The following TCF25 variants were observed in gnomAD, a reference collection of about 807,000 sequenced individuals.
The protein encoded by TCF25 is TCF25 ribosome quality control complex subunit.
Under a neutral mutation model 83.1 loss-of-function variants are expected in TCF25, and 41 were observed. That is an observed-to-expected ratio of 0.49 (90% CI 0.38 to 0.64). The LOEUF (loss-of-function observed/expected upper bound fraction) is 0.64, where lower values mean the gene tolerates loss of function less well. TCF25 is among the 30% of genes least tolerant of loss of function. The pLI is 0.00. For missense variants in TCF25, 979 were observed against 914.5 expected (o/e 1.07, Z -0.91); for synonymous variants, 458 against 365.0 (o/e 1.25, Z -2.90).
At chr16:89,897,773 A>G (rs77963546) in intron 9 of TCF25, among the ~76,000 whole-genome samples, 8,857 of 152,228 alleles carry the variant, frequency 0.058, 618 homozygotes, top group African/African-American at 0.16. Flanking sequence ...TTGTAACAAG[A>G]GATTTTAACT....
intron 15 of TCF25, 47 bp downstream of exon 15, chr16:89,906,331 T>TG (rs1567738457): frequency 6.3e-7 from 1 of 1,584,524 alleles, no homozygotes; most frequent in South Asian, 1.1e-5. Flanking sequence ...GCCGGTCACA[T>TG]GCACGTCCCT....
intron 1 of TCF25, among the ~76,000 whole-genome samples, chr16:89,876,927 TAAAAAAAAAAAA>T (rs71137687): frequency 1.5e-5 from 1 of 68,012 alleles, no homozygotes; most frequent in Non-Finnish European, 2.6e-5. Context: ...AGACTCCATC[TAAAAAAAAAAAA>T]AAAAAAAAAA....
intron 1 of TCF25, among the ~76,000 whole-genome samples, chr16:89,881,409 G>T (rs1340240209): frequency 6.6e-6 from 1 of 152,078 alleles, no homozygotes; most frequent in East Asian, 1.9e-4. Flanking sequence ...GAATCTCCTA[G>T]TTCATAAAGA....
Position 89,906,137 on chromosome 16 carries a change from G to T in TCF25, c.1629-57G>T. The T allele has an allele frequency of 3.3e-6, 5 of 1,500,012 alleles. No individual in the cohort carries two copies. In the South Asian group the frequency reaches 5.9e-5, roughly 18 times the overall value. The allele number at this position is 1,500,012 out of a possible 1,614,324, so 92.9% of individuals were successfully genotyped here. Reference sequence around the variant, plus strand: ...GGGTGGGGGCCGAGGCTCCATGGCGGTTACCATTTCATTTGCTGTGCTTTA... The same window carrying T: ...GGGTGGGGGCCGAGGCTCCATGGCGTTTACCATTTCATTTGCTGTGCTTTA... On this transcript the variant is annotated intron_variant, in intron 14 of 17. Transcript: ENST00000263346.
intron 1 of TCF25, 37 bp from the exon 2 acceptor site, chr16:89,883,310 TGTAA>T: frequency 6.2e-7 from 1 of 1,605,034 alleles, no homozygotes; most frequent in Non-Finnish European, 8.5e-7. Context: ...GCGTTCACAC[TGTAA>T]GTAACGCCCT....
At chr16:89,905,764 A>G (rs1343858317) in intron 14 of TCF25, among the ~76,000 whole-genome samples, 1 of 152,214 alleles carries the variant, frequency 6.6e-6, no homozygotes, top group African/African-American at 2.4e-5. Flanking sequence ...ACTGGACTGG[A>G]CATTCTCATG....
chr16:89,886,452 T>C (rs1250831413), intron 4 of TCF25, among the ~76,000 whole-genome samples: 1 of 145,172 alleles, frequency 6.9e-6, no homozygotes, highest in Admixed American at 6.9e-5. Flanking sequence ...AATAATAATA[T>C]GAGTTTGTTA....
chr16:89,883,704 C>T (rs139883094), intron 2 of TCF25, 192 bp downstream of exon 2: 8 of 634,096 alleles, frequency 1.3e-5, no homozygotes, highest in Non-Finnish European at 2.1e-5. Flanking sequence ...GGTCGCAGGC[C>T]TTTCTCCTGC....
At chr16:89,892,795 C>T (rs539360867) in intron 6 of TCF25, among the ~76,000 whole-genome samples, 84 of 152,342 alleles carry the variant, frequency 5.5e-4, no homozygotes, top group African/African-American at 1.9e-3. Context: ...TCCACACTGG[C>T]CTCCACTCTG....
chr16:89,911,044 G>C, intron 17 of TCF25, 36 bp from the exon 18 acceptor site: 3 of 1,607,318 alleles, frequency 1.9e-6, no homozygotes, highest in Non-Finnish European at 2.5e-6. Flanking sequence ...TCCCAGCACA[G>C]ACAGCCCCCT....
Position 89,894,105 on chromosome 16 carries a change from G to A in TCF25, c.828+247G>A, listed in dbSNP as rs2043637019. 2.6e-5 allele frequency among the ~76,000 whole-genome samples: 4 copies of A among 152,310 alleles called. No individual in the cohort carries two copies. The South Asian group carries it at 8.3e-4, about 32-fold the overall frequency. The stretch of plus-strand genomic sequence containing the variant: ...GAGCGCTGCTCTCTCAGCCGTTCCT[G>A]GGGACCGTCGCAGTAGTGCCGTGTG... On this transcript the variant is annotated intron_variant, in intron 7 of 17. Coordinates refer to ENST00000263346, the MANE Select transcript of TCF25 (RefSeq NM_014972.3).
chr16:89,905,880 G>C (rs2044734647), intron 14 of TCF25, among the ~76,000 whole-genome samples: 1 of 152,212 alleles, frequency 6.6e-6, no homozygotes, highest in Admixed American at 6.5e-5. Flanking sequence ...ACACCCAGGT[G>C]TCCCTTCATG....
At chr16:89,901,231 C>T (rs958096473) in intron 12 of TCF25, among the ~76,000 whole-genome samples, 1 of 152,248 alleles carries the variant, frequency 6.6e-6, no homozygotes, top group African/African-American at 2.4e-5. Context: ...CAGCCGTGAC[C>T]CCTGACTGCA....
intron 11 of TCF25, 69 bp from the exon 12 acceptor site, chr16:89,900,566 C>T (rs1002387045): frequency 1.7e-5 from 25 of 1,489,492 alleles, no homozygotes; most frequent in African/African-American, 8.3e-5. Flanking sequence ...GATGTCAGAG[C>T]GTCTGCAAAC....
At chr16:89,885,098 CT>C in intron 3 of TCF25, among the ~76,000 whole-genome samples, 2 of 146,588 alleles carry the variant, frequency 1.4e-5, no homozygotes, top group Non-Finnish European at 3.0e-5. Flanking sequence ...CTCCCTCTGC[CT>C]GACGCCCTCT....
chr16:89,900,487 T>C lies in TCF25; in HGVS notation c.1222-148T>C, dbSNP rs576673772. On this transcript the variant is annotated intron_variant, in intron 11 of 17. Coordinates refer to ENST00000263346, the MANE Select transcript of TCF25 (RefSeq NM_014972.3). Reference sequence around the variant, plus strand: ...CCAGGTGGACGTTTTAAGTTATCTTTATGCTGAGTTAGGAAGAGGCCCTTG... The same window carrying C: ...CCAGGTGGACGTTTTAAGTTATCTTCATGCTGAGTTAGGAAGAGGCCCTTG... 36 of 847,596 alleles carry C rather than the reference T, an allele frequency of 4.2e-5. 1 individual carries two copies. The African/African-American group carries it at 5.5e-4, about 13-fold the overall frequency. 52.5% of individuals were successfully genotyped at this position (847,596 alleles called of 1,614,324 possible). A position where few individuals can be genotyped will look rare whatever the true frequency, so the allele number is the denominator to read the frequency against.
chr16:89,895,630 A>G (rs1163201850), intron 8 of TCF25, among the ~76,000 whole-genome samples: 1 of 152,250 alleles, frequency 6.6e-6, no homozygotes, highest in Non-Finnish European at 1.5e-5. Context: ...TTGTGTATCC[A>G]TCATTAGTTG....
At chr16:89,901,614 G>A (rs12928524) in intron 12 of TCF25, among the ~76,000 whole-genome samples, 8 of 90,316 alleles carry the variant, frequency 8.9e-5, no homozygotes, top group Non-Finnish European at 6.6e-5. Context: ...GCGTGTTGGC[G>A]GGCACCTGTA....
intron 1 of TCF25, among the ~76,000 whole-genome samples, chr16:89,875,428 G>A (rs930049131): frequency 3.3e-5 from 5 of 150,264 alleles, no homozygotes; most frequent in African/African-American, 9.8e-5. Context: ...TAATTTCTGC[G>A]TGCTGAAAGA....
Sources: allele counts gnomAD v4.1 joint callset (sites outside exome capture counted in the v4.1 genomes callset), GRCh38; gene constraint gnomAD v4.1.1; transcripts MANE v1.5; gene names NCBI Gene and HGNC (gene_info 2026-07-23, HGNC 2026-07-21).